Variants in PCED1B observed in about 807,000 individuals in gnomAD.
The protein encoded by PCED1B is PC-esterase domain containing 1B, also known as PC-esterase domain-containing protein 1B.
For synonymous variants in PCED1B, 251 were observed against 246.1 expected (o/e 1.02, Z -0.19); for missense variants, 573 against 573.9 (o/e 1.00, Z 0.02).
chr12:47,102,487 G>A (rs754180224), intron 1 of PCED1B, among the ~76,000 whole-genome samples: 6 of 152,128 alleles, frequency 3.9e-5, no homozygotes, highest in Non-Finnish European at 8.8e-5. Flanking sequence ...GTCTGCAAAG[G>A]GTCTTTGTGA....
chr12:47,097,988 C>G (rs1938548177), intron 1 of PCED1B, among the ~76,000 whole-genome samples: 1 of 152,220 alleles, frequency 6.6e-6, no homozygotes, highest in Non-Finnish European at 1.5e-5. Context: ...CAAATAAGGT[C>G]TTACCATTTC....
intron 2 of PCED1B, among the ~76,000 whole-genome samples, chr12:47,170,752 A>G (rs1181756551): frequency 6.6e-6 from 1 of 152,208 alleles, no homozygotes; most frequent in Non-Finnish European, 1.5e-5. Flanking sequence ...TCTGTTTTTC[A>G]ATAGAAAATT....
intron 2 of PCED1B, chr12:47,208,498 G>A (rs1363073423): frequency 2.6e-5 from 4 of 152,116 alleles, no homozygotes; most frequent in Non-Finnish European, 5.9e-5. Flanking sequence ...CTACCTCCCA[G>A]GTTCAAGCAG....
intron 1 of PCED1B, among the ~76,000 whole-genome samples, chr12:47,085,896 A>G (rs557313480): frequency 6.6e-6 from 1 of 152,282 alleles, no homozygotes; most frequent in East Asian, 1.9e-4. Flanking sequence ...TTTCAGAGAG[A>G]AAAACCCTCT....
At chr12:47,095,347 T>A in intron 1 of PCED1B, among the ~76,000 whole-genome samples, 1 of 152,152 alleles carries the variant, frequency 6.6e-6, no homozygotes, top group Non-Finnish European at 1.5e-5. Flanking sequence ...AATTTCTTTT[T>A]TTTCTTCTGG....
At chr12:47,108,173 G>A (rs899810077) in intron 2 of PCED1B, among the ~76,000 whole-genome samples, 1 of 152,144 alleles carries the variant, frequency 6.6e-6, no homozygotes, top group African/African-American at 2.4e-5. Context: ...AGGTGAGTAA[G>A]CATTGCTTTT....
At chr12:47,203,482 G>A (rs1942828747) in intron 2 of PCED1B, among the ~76,000 whole-genome samples, 1 of 151,900 alleles carries the variant, frequency 6.6e-6, no homozygotes, top group Admixed American at 6.6e-5. Flanking sequence ...CCTCCGACAG[G>A]CCCTAGTGTG....
chr12:47,186,267 G>T (rs1942263192), intron 2 of PCED1B, among the ~76,000 whole-genome samples: 1 of 149,074 alleles, frequency 6.7e-6, no homozygotes. Flanking sequence ...ATTGAGCAAA[G>T]AACAATAATT....
At chr12:47,122,652 G>A (rs941905780) in intron 2 of PCED1B, among the ~76,000 whole-genome samples, 10 of 152,038 alleles carry the variant, frequency 6.6e-5, no homozygotes, top group African/African-American at 2.2e-4. Flanking sequence ...TTTTCCTAAG[G>A]CATTGAGCAT....
At chr12:47,207,821 C>T (rs528001443) in intron 2 of PCED1B, among the ~76,000 whole-genome samples, 15 of 152,212 alleles carry the variant, frequency 9.9e-5, no homozygotes, top group African/African-American at 3.6e-4. Context: ...CATTTTAGGG[C>T]TTTTTGGAGC....
At chr12:47,203,259 C>T (rs1054525341) in intron 2 of PCED1B, among the ~76,000 whole-genome samples, 12 of 152,142 alleles carry the variant, frequency 7.9e-5, no homozygotes, top group Middle Eastern at 3.4e-3. Flanking sequence ...CATGAGCCAC[C>T]GTGCCCAGCC....
chr12:47,212,027 A>G (rs1206624357), intron 2 of PCED1B, among the ~76,000 whole-genome samples: 2 of 148,038 alleles, frequency 1.4e-5, no homozygotes, highest in African/African-American at 5.0e-5. Flanking sequence ...GTGAGCCGAG[A>G]TCGTGCCACT....
chr12:47,201,605 CT>C (rs113846520), intron 2 of PCED1B, among the ~76,000 whole-genome samples: 18,575 of 145,666 alleles, frequency 0.13, 2,339 homozygotes, highest in African/African-American at 0.33. Context: ...ATTTTTTTTT[CT>C]TTTTTTTTTT....
At chr12:47,168,778 A>T (rs1941625218) in intron 2 of PCED1B, among the ~76,000 whole-genome samples, 1 of 152,000 alleles carries the variant, frequency 6.6e-6, no homozygotes, top group African/African-American at 2.4e-5. Context: ...AAGTGTTGTT[A>T]CTTTATTGAA....
intron 2 of PCED1B, among the ~76,000 whole-genome samples, chr12:47,105,784 A>G (rs4604969): frequency 0.38 from 57,961 of 151,992 alleles, 11,730 homozygotes; most frequent in Admixed American, 0.52. Flanking sequence ...AAAAAGTTAC[A>G]AGGAGAAAGA....
At chr12:47,087,197 G>A (rs868636633) in intron 1 of PCED1B, among the ~76,000 whole-genome samples, 4 of 152,136 alleles carry the variant, frequency 2.6e-5, no homozygotes, top group African/African-American at 4.8e-5. Context: ...AGGACCTCTC[G>A]AAAGACCCAA....
chr12:47,232,760 G>C (rs1389908356), intron 3 of PCED1B, among the ~76,000 whole-genome samples: 1 of 152,094 alleles, frequency 6.6e-6, no homozygotes, highest in African/African-American at 2.4e-5. Context: ...ATGTGTTGGA[G>C]AGAAAAAACT....
intron 3 of PCED1B, among the ~76,000 whole-genome samples, chr12:47,217,489 AAAG>A (rs1565608034): frequency 3.5e-5 from 4 of 112,978 alleles, no homozygotes; most frequent in Non-Finnish European, 7.0e-5. Flanking sequence ...AGAAAGAAAG[AAAG>A]AAAGAAAGAA....
At chr12:47,134,401 G>A (rs1940260015) in intron 2 of PCED1B, among the ~76,000 whole-genome samples, 1 of 152,010 alleles carries the variant, frequency 6.6e-6, no homozygotes, top group African/African-American at 2.4e-5. Context: ...GTGAAATACA[G>A]AGAAGATATC....
Sources: allele counts gnomAD v4.1 joint callset (sites outside exome capture counted in the v4.1 genomes callset), GRCh38; gene constraint gnomAD v4.1.1; transcripts MANE v1.5; gene names NCBI Gene and HGNC (gene_info 2026-07-23, HGNC 2026-07-21).